TMEM131L: variants seen among roughly 807,000 people sequenced by gnomAD.
TMEM131L encodes transmembrane 131 like.
Under a neutral mutation model 192.2 loss-of-function variants are expected in TMEM131L, and 54 were observed. That is an observed-to-expected ratio of 0.28 (90% CI 0.23 to 0.35). The LOEUF (loss-of-function observed/expected upper bound fraction) is 0.35, where lower values mean the gene tolerates loss of function less well. TMEM131L is among the 10% of genes least tolerant of loss of function. The probability of loss-of-function intolerance (pLI) is 1.00; values close to 1 mark genes in which losing one functional copy is unlikely to be tolerated. For synonymous variants in TMEM131L, 701 were observed against 704.9 expected (o/e 0.99, Z 0.09); for missense variants, 1,888 against 1,972.9 (o/e 0.96, Z 0.82).
rs539187178 is a variant in TMEM131L, at chr4:153,586,346, A to C, written c.1449A>C (p.Ala483=). ...CTACAAACATAGGTGCCATTTTTGC[A>C]ATACCTCTACAGATTTATTCAGCAC... ...FLTTNIGAIF[A]IPLQIYSAPT... is the part of the protein sequence containing the mutation. Residue 483 remains alanine (A), a synonymous_variant, in exon 14 of 35, where the codon GCA becomes GCC. Transcript: ENST00000409959. 1.9e-6 allele frequency: 3 copies of C among 1,605,392 alleles called. No homozygotes were observed. Among genetic ancestry groups the C allele is most frequent in the East Asian group, 4.5e-5 (2 of 44,426 alleles).
At chr4:153,532,468 G>A (rs1022238845) in intron 3 of TMEM131L, among the ~76,000 whole-genome samples, 3 of 150,588 alleles carry the variant, frequency 2.0e-5, no homozygotes, top group Admixed American at 2.0e-4. Flanking sequence ...AAGCTTTATT[G>A]AGATACAATT....
At position 153,602,251 on chromosome 4, in the gene TMEM131L, G is replaced by A. The variant is rs1731894128; in HGVS notation, c.2366G>A (p.Gly789Glu). ...ACTGTTTCGTCTCTGAAAATTAATG[G>A]GTATAACTGCCAAGGTTATGGATTC... ...PITVSSLKIN[G>E]YNCQGYGFEV... is the part of the protein sequence containing the mutation. Residue 789 changes from glycine to glutamate, a missense_variant, in exon 22 of 35, where the codon GGG (glycine) becomes GAG (glutamate). By Grantham distance (98) the Gly-to-Glu change is moderately conservative (BLOSUM62 -2). Transcript: ENST00000409959. 3.7e-6 allele frequency: 6 copies of A among 1,613,472 alleles called. No homozygotes were observed. The highest frequency in any genetic ancestry group is 5.1e-6 in the Non-Finnish European group (6 of 1,179,862).
Position 153,592,570 on chromosome 4 carries a change from C to G in TMEM131L, c.1908C>G (p.His636Gln), listed in dbSNP as rs7669741. The change falls in exon 18 of 35, where the codon CAC becomes CAG. Residue 636 changes from histidine to glutamine, a missense_variant. By Grantham distance (24) the His-to-Gln change is conservative. Transcript: ENST00000409959. ...SLYPKPEALV[H>Q]LLHRWFGTDM... ...ACCCTAAACCCGAAGCCCTAGTGCACCTGCTCCACAGATGGTATGAAGACT... is the reference window on the plus strand; with the variant it reads ...ACCCTAAACCCGAAGCCCTAGTGCAGCTGCTCCACAGATGGTATGAAGACT... 6.2e-7 allele frequency: 1 copy of G among 1,612,290 alleles called. No individual in the cohort carries two copies. The highest frequency in any genetic ancestry group is 2.2e-5 in the East Asian group (1 of 44,860).
intron 7 of TMEM131L, among the ~76,000 whole-genome samples, chr4:153,578,525 T>G (rs907755436): frequency 3.3e-5 from 5 of 149,398 alleles, no homozygotes; most frequent in Non-Finnish European, 6.0e-5. Flanking sequence ...CCAGCTAGTT[T>G]TTTTTTTTTT....
chr4:153,618,610 C>G (rs1051191662), intron 26 of TMEM131L, among the ~76,000 whole-genome samples: 1 of 151,974 alleles, frequency 6.6e-6, no homozygotes, highest in Admixed American at 6.6e-5. Flanking sequence ...GAGGATGACT[C>G]GGGAAACTGA....
rs184559280 is a variant in TMEM131L at position 153,528,051 on chromosome 4, C to T, written c.240-22022C>T. ...GTCTGGTCTGAATTTCCTTGTCCTGCGGAAAGGCATTGCCTGCCACGCCTT... is the reference window on the plus strand; with the variant it reads ...GTCTGGTCTGAATTTCCTTGTCCTGTGGAAAGGCATTGCCTGCCACGCCTT... On this transcript the variant is annotated intron_variant, in intron 3 of 34. Transcript: ENST00000409959. Among the ~76,000 whole-genome samples the T allele has an allele frequency of 6.6e-5, 10 of 152,136 alleles. No homozygotes were observed. The East Asian group carries it at 1.2e-3, about 18-fold the overall frequency.
chr4:153,543,225 C>T (rs1043204749), intron 3 of TMEM131L, among the ~76,000 whole-genome samples: 3 of 152,174 alleles, frequency 2.0e-5, no homozygotes, highest in Admixed American at 6.5e-5. Flanking sequence ...GTTTCTGCCT[C>T]TATTGTTAAA....
At chr4:153,564,274 CAAAACTCCGTCTCAAA>C (rs1475342805) in intron 7 of TMEM131L, among the ~76,000 whole-genome samples, 2 of 91,458 alleles carry the variant, frequency 2.2e-5, no homozygotes, top group African/African-American at 9.2e-5. Context: ...GGGAGACGAG[CAAAACTCCGTCTCAAA>C]AAAAAAAAAA....
chr4:153,523,808 T>G (rs995051921), intron 3 of TMEM131L, among the ~76,000 whole-genome samples: 1 of 152,196 alleles, frequency 6.6e-6, no homozygotes, highest in African/African-American at 2.4e-5. Context: ...ATCTCACCTT[T>G]ACTCCTGCAG....
At chr4:153,578,686 A>G (rs1347356588) in intron 7 of TMEM131L, among the ~76,000 whole-genome samples, 1 of 151,986 alleles carries the variant, frequency 6.6e-6, no homozygotes, top group Non-Finnish European at 1.5e-5. Flanking sequence ...ACACCCAGCT[A>G]ATTTTTTGTA....
intron 7 of TMEM131L, among the ~76,000 whole-genome samples, chr4:153,568,165 C>G (rs1257946640): frequency 6.6e-6 from 1 of 152,094 alleles, no homozygotes; most frequent in African/African-American, 2.4e-5. Flanking sequence ...GAGAATGCTT[C>G]TGTGGAATGG....
chr4:153,627,272 A>G (rs1733911383), intron 30 of TMEM131L, among the ~76,000 whole-genome samples: 1 of 152,150 alleles, frequency 6.6e-6, no homozygotes, highest in Non-Finnish European at 1.5e-5. Flanking sequence ...TGACTAGGGA[A>G]GGTGAACTAC....
chr4:153,497,510 A>T (rs1021204424), intron 3 of TMEM131L, among the ~76,000 whole-genome samples: 2 of 152,088 alleles, frequency 1.3e-5, no homozygotes, highest in Admixed American at 1.3e-4. Flanking sequence ...CCAGTTTGAA[A>T]CGTTTTGCTC....
In TMEM131L at chr4:153,466,419, C is replaced by A; in HGVS notation, c.22C>A (p.Gln8Lys). 7.3e-7 allele frequency: 1 copy of A among 1,373,060 alleles called. No individual in the cohort carries two copies. The highest frequency in any genetic ancestry group is 1.6e-5 in the South Asian group (1 of 60,748). The allele number at this position is 1,373,060 out of a possible 1,614,324, so 85.1% of individuals were successfully genotyped here. ...CAGCATGGCGGGGCTCCGACGCCCG[C>A]AGCCCGGCTGCTACTGCCGCACCGC... The part of the protein sequence containing the change: MAGLRRP[Q>K]PGCYCRTAAA... The change falls in exon 1 of 35, where the codon CAG (glutamine) becomes AAG (lysine). Residue 8 changes from glutamine (Q) to lysine (K), a missense_variant. By Grantham distance (53) the Gln-to-Lys change is moderately conservative. Coordinates refer to ENST00000409959, the MANE Select transcript of TMEM131L (RefSeq NM_001131007.2).
At chr4:153,494,726 T>G (rs1245915079) in intron 3 of TMEM131L, among the ~76,000 whole-genome samples, 1 of 152,116 alleles carries the variant, frequency 6.6e-6, no homozygotes. Flanking sequence ...TTCTTGCAAA[T>G]GAGGAGTGAT....
chr4:153,588,862 T>TA, intron 15 of TMEM131L, 28 bp from the exon 16 acceptor site: 1 of 1,159,172 alleles, frequency 8.6e-7, no homozygotes, highest in African/African-American at 1.5e-5. Context: ...TCTGTAAATC[T>TA]AAATATGGAA....
At chr4:153,505,033 A>G (rs933827565) in intron 3 of TMEM131L, among the ~76,000 whole-genome samples, 1 of 151,810 alleles carries the variant, frequency 6.6e-6, no homozygotes, top group Non-Finnish European at 1.5e-5. Flanking sequence ...TTAGATGACT[A>G]TCTTCTCCCT....
intron 3 of TMEM131L, among the ~76,000 whole-genome samples, chr4:153,495,036 C>T (rs561232394): frequency 6.6e-6 from 1 of 152,280 alleles, no homozygotes; most frequent in South Asian, 2.1e-4. Flanking sequence ...GGTTTTATGG[C>T]CAGGCATGGT....
chr4:153,559,234 G>T (rs531902192), intron 7 of TMEM131L, among the ~76,000 whole-genome samples: 48 of 152,258 alleles, frequency 3.2e-4, no homozygotes, highest in Non-Finnish European at 6.5e-4. Context: ...ATTATATCTG[G>T]AATCTTTATC....
Sources: gnomAD v4.1 joint callset for allele counts (sites outside exome capture counted in the v4.1 genomes callset) on GRCh38, gnomAD v4.1.1 for gene constraint, MANE v1.5 for transcripts, NCBI Gene and HGNC (gene_info 2026-07-23, HGNC 2026-07-21) for gene names.